The following LMBRD2 variants were observed in gnomAD, a reference collection of about 807,000 sequenced individuals.
The protein encoded by LMBRD2 is G protein-coupled receptor-associated protein LMBRD2.
LMBRD2 carries 55 observed loss-of-function variants against 94.4 expected under a neutral mutation model. The observed-to-expected ratio is 0.58, with a 90% CI of 0.47 to 0.73. The LOEUF (loss-of-function observed/expected upper bound fraction) is 0.73, where lower values mean the gene tolerates loss of function less well. Ranked by LOEUF, LMBRD2 falls within the 30% of genes least tolerant of loss-of-function variation. The pLI is 0.00. For missense variants in LMBRD2, 640 were observed against 831.9 expected, an observed-to-expected ratio of 0.77 and a Z score of 2.84; for synonymous variants, 246 against 272.4, an observed-to-expected ratio of 0.90 and a Z score of 0.95.
At chr5:36,104,641 C>T (rs991331769) in intron 17 of LMBRD2, among the ~76,000 whole-genome samples, 4 of 151,974 alleles carry the variant, frequency 2.6e-5, no homozygotes, top group Admixed American at 2.0e-4. Context: ...GCTGAATTTG[C>T]AACCATACAA....
chr5:36,116,018 T>G (rs1352275857), intron 11 of LMBRD2, among the ~76,000 whole-genome samples: 2 of 152,222 alleles, frequency 1.3e-5, no homozygotes, highest in Non-Finnish European at 2.9e-5. Context: ...GAACAGGTAA[T>G]AGATTGTACA....
chr5:36,134,360 T>C (rs1199035955), intron 6 of LMBRD2, among the ~76,000 whole-genome samples: 2 of 152,152 alleles, frequency 1.3e-5, no homozygotes, highest in Non-Finnish European at 2.9e-5. Context: ...AAATGGTTGC[T>C]GAGTGTTTAA....
rs1365528429 is a variant in LMBRD2, at chr5:36,099,302, G to C, written c.*4744C>G. The C allele has an allele frequency of 1.3e-5, 2 of 152,070 alleles. No individual in the cohort carries two copies. The highest frequency in any genetic ancestry group is 2.9e-5 in the Non-Finnish European group (2 of 67,968). 9.4% of individuals were successfully genotyped at this position (152,070 alleles called of 1,614,324 possible). On this transcript the variant is annotated 3_prime_UTR_variant, in exon 18 of 18. Coordinates refer to ENST00000296603, the MANE Select transcript of LMBRD2 (RefSeq NM_001007527.2). ...TCAGAAAGTGAGAACATCAATATTAGAGCTCTGTTGTATCATTCAATGTTA... is the reference window on the plus strand; with the variant it reads ...TCAGAAAGTGAGAACATCAATATTACAGCTCTGTTGTATCATTCAATGTTA...
intron 13 of LMBRD2, among the ~76,000 whole-genome samples, chr5:36,112,361 G>T (rs1743631713): frequency 6.6e-6 from 1 of 152,090 alleles, no homozygotes. Context: ...CTCTTTGTCT[G>T]AAGTATCAGG....
Position 36,124,197 on chromosome 5 carries a change from A to G in LMBRD2, c.816T>C (p.Leu272=), listed in dbSNP as rs1221403400. ...HPLRKCVDTI[L]KKCPTEYQEK... The stretch of plus-strand genomic sequence containing the variant: ...GACAAGATGATTTCATTACCTTTTT[A>G]AGTATTGTATCAACACATTTTCTCA... The change falls in exon 7 of 18, where the codon CTT becomes CTC. Residue 272 remains leucine (L), a synonymous_variant. Transcript: ENST00000296603. 6.5e-7 allele frequency: 1 copy of G among 1,541,912 alleles called. No individual in the cohort carries two copies. The highest frequency in any genetic ancestry group is 1.4e-5 in the African/African-American group (1 of 73,532).
At chr5:36,140,063 C>T (rs951394761) in intron 4 of LMBRD2, among the ~76,000 whole-genome samples, 8 of 152,346 alleles carry the variant, frequency 5.3e-5, no homozygotes, top group South Asian at 2.1e-4. Flanking sequence ...GCTCCCCAAG[C>T]TAGGGCTGTG....
In LMBRD2 at chr5:36,137,335, A is replaced by C; in HGVS notation, c.475T>G (p.Leu159Val). 1 of 1,603,460 alleles carries C rather than the reference A, an allele frequency of 6.2e-7. No homozygotes were observed. The highest frequency in any genetic ancestry group is 1.1e-5 in the South Asian group (1 of 89,534). ...IENAIYYGTYLLIFGAFLIYV... is the reference protein window; with the variant it reads ...IENAIYYGTYVLIFGAFLIYV... Reference sequence around the variant, plus strand: ...ATTAAAAATGCTCCAAAAATCAGCAAATAGGTGCCATAGTAGATTGCATTC... The same window carrying C: ...ATTAAAAATGCTCCAAAAATCAGCACATAGGTGCCATAGTAGATTGCATTC... The change falls in exon 5 of 18, where the codon TTG becomes GTG. Residue 159 changes from leucine (L) to valine (V), a missense_variant. Physicochemically the swap from Leu to Val is conservative, Grantham distance 32 (BLOSUM62 1). Around this residue, in one of 2 missense-constraint regions of LMBRD2, gnomAD observed 457 missense variants for 642.8 expected, o/e 0.71. Transcript: ENST00000296603.
Position 36,126,746 on chromosome 5 carries a change from A to ATACCAAACAGTTTTTATAAAAC in LMBRD2, c.748-2503_748-2482dup, listed in dbSNP as rs535073513. ...TTTCAGAGAGAAACATATCATAAAA[A>ATACCAAACAGTTTTTATAAAAC]TACCAAACAGTTTTTATAAAACTAC... On this transcript the variant is annotated intron_variant, in intron 6 of 17. Transcript: ENST00000296603. 1.5e-3 allele frequency among the ~76,000 whole-genome samples: 228 copies of ATACCAAACAGTTTTTATAAAAC among 152,362 alleles called. 2 individuals carry two copies. The highest frequency in any genetic ancestry group is 5.4e-3 in the African/African-American group (225 of 41,584).
intron 9 of LMBRD2, among the ~76,000 whole-genome samples, chr5:36,121,180 C>T (rs1175641119): frequency 1.3e-5 from 2 of 152,136 alleles, no homozygotes; most frequent in African/African-American, 4.8e-5. Flanking sequence ...GAATTTCTGT[C>T]TTTTTAAACT....
rs890233984 is a variant in LMBRD2 at position 36,122,299 on chromosome 5, A to G, written c.1101T>C (p.Tyr367=). 1.9e-6 allele frequency: 3 copies of G among 1,598,344 alleles called. No individual in the cohort carries two copies. Among genetic ancestry groups the G allele is most frequent in the Non-Finnish European group, 2.6e-6 (3 of 1,175,244 alleles). The change falls in exon 9 of 18, where the codon TAT becomes TAC. Residue 367 remains tyrosine (Y), a synonymous_variant. Transcript: ENST00000296603. ...ACATACCAAATGTAGGATTATAAAA[A>G]TATTGGATAAATCGATTTTCTGGCT... ...SPEPENRFIQ[Y]FYNPTFEWYW...
chr5:36,144,539 C>A (rs1009311817), intron 1 of LMBRD2, among the ~76,000 whole-genome samples: 1 of 152,036 alleles, frequency 6.6e-6, no homozygotes, highest in Non-Finnish European at 1.5e-5. Context: ...CAAAAATTAG[C>A]CAGGTGTGGT....
intron 13 of LMBRD2, among the ~76,000 whole-genome samples, chr5:36,111,883 T>A (rs768034369): frequency 6.6e-6 from 1 of 152,128 alleles, no homozygotes; most frequent in Non-Finnish European, 1.5e-5. Context: ...AAAACAGGCC[T>A]AAGGGGTTAA....
chr5:36,128,319 A>G (rs1744054631), intron 6 of LMBRD2, among the ~76,000 whole-genome samples: 1 of 152,246 alleles, frequency 6.6e-6, no homozygotes. Context: ...AAATAAGCCC[A>G]CACTGCAAAG....
At position 36,108,598 on chromosome 5, in the gene LMBRD2, A is replaced by C; in HGVS notation, c.1833T>G (p.Thr611=). 1 of 1,594,906 alleles carries C rather than the reference A, an allele frequency of 6.3e-7. No individual in the cohort carries two copies. The highest frequency in any genetic ancestry group is 8.6e-7 in the Non-Finnish European group (1 of 1,166,874). Residue 611 remains threonine, a synonymous_variant, in exon 16 of 18, where the codon ACT becomes ACG. Coordinates refer to ENST00000296603, the MANE Select transcript of LMBRD2 (RefSeq NM_001007527.2). ...ERYGHNREDS[T]RNRNIHTDPK... ...GGTCAGTATGAATATTTCTGTTCCT[A>C]GTGGAATCTTCTCTATTGTGTCCAT...
intron 4 of LMBRD2, among the ~76,000 whole-genome samples, chr5:36,138,635 G>A (rs747650342): frequency 1.3e-5 from 2 of 152,040 alleles, no homozygotes; most frequent in Non-Finnish European, 2.9e-5. Flanking sequence ...CTGGTGTATG[G>A]GTGTATTCAC....
intron 6 of LMBRD2, among the ~76,000 whole-genome samples, chr5:36,127,808 A>AC (rs551200244): frequency 1.3e-5 from 2 of 152,168 alleles, no homozygotes; most frequent in Non-Finnish European, 2.9e-5. Flanking sequence ...CTCTGGACAC[A>AC]CCCCAACTCA....
intron 1 of LMBRD2, among the ~76,000 whole-genome samples, chr5:36,146,209 A>C (rs965990235): frequency 1.3e-5 from 2 of 152,256 alleles, no homozygotes; most frequent in Non-Finnish European, 2.9e-5. Context: ...CTACAAACTT[A>C]GTGACTTTAA....
At chr5:36,134,304 C>T (rs1242537775) in intron 6 of LMBRD2, among the ~76,000 whole-genome samples, 2 of 151,970 alleles carry the variant, frequency 1.3e-5, no homozygotes, top group Admixed American at 6.6e-5. Context: ...GTAAAATTTT[C>T]GAATCACAGT....
chr5:36,116,761 C>T (rs1743755308), intron 10 of LMBRD2, among the ~76,000 whole-genome samples, 168 bp from the exon 11 acceptor site: 1 of 152,178 alleles, frequency 6.6e-6, no homozygotes, highest in South Asian at 2.1e-4. Context: ...ACTGCAACCT[C>T]CACCTCCTGG....
Sources: allele counts gnomAD v4.1 joint callset (sites outside exome capture counted in the v4.1 genomes callset), GRCh38; gene constraint gnomAD v4.1.1; regional missense constraint gnomAD v4.1.1; transcripts MANE v1.5; gene names NCBI Gene and HGNC (gene_info 2026-07-23, HGNC 2026-07-21).